The following FAM107B variants were observed in gnomAD, a reference collection of about 807,000 sequenced individuals.
The protein encoded by FAM107B is family with sequence similarity 107 member B, also known as protein FAM107B.
Under a neutral mutation model 31.5 loss-of-function variants are expected in FAM107B, and 21 were observed. The ratio of observed to expected loss-of-function variants is 0.67; its 90% CI spans 0.47 to 0.96. The LOEUF is 0.96. FAM107B is among the 40% of genes least tolerant of loss of function. FAM107B has a pLI of 0.00. For synonymous variants in FAM107B, 157 were observed against 141.5 expected, an observed-to-expected ratio of 1.11 and a Z score of -0.78; for missense variants, 452 against 377.1, an observed-to-expected ratio of 1.20 and a Z score of -1.64.
At chr10:14,714,799 A>C (rs1241912755) in intron 1 of FAM107B, among the ~76,000 whole-genome samples, 1 of 152,224 alleles carries the variant, frequency 6.6e-6, no homozygotes, top group Non-Finnish European at 1.5e-5. Flanking sequence ...GCCAGAGAAG[A>C]CAGATTAGAT....
At chr10:14,604,246 G>C in intron 2 of FAM107B, 2 of 979,592 alleles carry the variant, frequency 2.0e-6, no homozygotes. Context: ...CTACCTCGGC[G>C]CGCGCACAAA....
chr10:14,560,462 A>G (rs960826528), intron 2 of FAM107B, among the ~76,000 whole-genome samples: 1 of 152,234 alleles, frequency 6.6e-6, no homozygotes, highest in Non-Finnish European at 1.5e-5. Flanking sequence ...CGATGACACC[A>G]CAGGGTATTC....
chr10:14,640,737 A>G (rs1853607421), intron 2 of FAM107B, among the ~76,000 whole-genome samples: 1 of 152,154 alleles, frequency 6.6e-6, no homozygotes, highest in African/African-American at 2.4e-5. Context: ...TGATAAGGAA[A>G]CTGAGGCTCA....
intron 1 of FAM107B, among the ~76,000 whole-genome samples, chr10:14,734,078 T>C (rs1207610888): frequency 6.6e-6 from 1 of 151,642 alleles, no homozygotes; most frequent in Non-Finnish European, 1.5e-5. Context: ...AGCTTGCACA[T>C]TTGGACTTCC....
At chr10:14,767,041 TATATATATATATATAGAGAGAG>T (rs1386566505) in intron 1 of FAM107B, among the ~76,000 whole-genome samples, 4 of 36,304 alleles carry the variant, frequency 1.1e-4, no homozygotes, top group South Asian at 1.7e-3. Flanking sequence ...TATATATATA[TATATATATATATATAGAGAGAG>T]AGAGAGAGAG....
At chr10:14,563,383 T>C (rs1395277273) in intron 2 of FAM107B, among the ~76,000 whole-genome samples, 5 of 152,346 alleles carry the variant, frequency 3.3e-5, no homozygotes, top group Admixed American at 2.6e-4. Context: ...TTTCAACTAA[T>C]ACAATACACA....
chr10:14,651,431 C>A (rs1853895887), intron 2 of FAM107B, among the ~76,000 whole-genome samples: 2 of 152,068 alleles, frequency 1.3e-5, no homozygotes, highest in Non-Finnish European at 2.9e-5. Flanking sequence ...CATGGAGAGA[C>A]CCCGTCACTA....
At chr10:14,552,184 T>A (rs998835155) in intron 2 of FAM107B, among the ~76,000 whole-genome samples, 4 of 152,234 alleles carry the variant, frequency 2.6e-5, no homozygotes, top group African/African-American at 9.6e-5. Flanking sequence ...CACCTAGAAA[T>A]GATGCTTGGG....
intron 1 of FAM107B, among the ~76,000 whole-genome samples, chr10:14,706,995 C>T (rs971432688): frequency 6.6e-5 from 10 of 151,992 alleles, no homozygotes; most frequent in Admixed American, 4.6e-4. Context: ...TGTGGTGGCA[C>T]GCGCCTGTAG....
At chr10:14,613,059 C>G (rs1588658697) in intron 2 of FAM107B, among the ~76,000 whole-genome samples, 1 of 152,206 alleles carries the variant, frequency 6.6e-6, no homozygotes, top group East Asian at 1.9e-4. Flanking sequence ...GCAACCTCCA[C>G]CTCCCAGGTT....
chr10:14,583,767 G>C (rs1486531285), intron 2 of FAM107B, among the ~76,000 whole-genome samples: 1 of 152,080 alleles, frequency 6.6e-6, no homozygotes, highest in Non-Finnish European at 1.5e-5. Flanking sequence ...AGAAACCACT[G>C]GACAAGGCCA....
At chr10:14,666,789 A>C (rs1854414165) in intron 2 of FAM107B, among the ~76,000 whole-genome samples, 1 of 152,126 alleles carries the variant, frequency 6.6e-6, no homozygotes, top group Admixed American at 6.5e-5. Context: ...ATAGAGGGAA[A>C]GGGTGGAGCT....
At chr10:14,759,729 T>C (rs1412079287) in intron 1 of FAM107B, among the ~76,000 whole-genome samples, 2 of 152,116 alleles carry the variant, frequency 1.3e-5, no homozygotes, top group Admixed American at 6.5e-5. Context: ...TCTTTTTTTT[T>C]AGATGGAGTC....
intron 1 of FAM107B, among the ~76,000 whole-genome samples, chr10:14,694,533 G>A (rs1464460420): frequency 6.6e-5 from 10 of 152,070 alleles, no homozygotes; most frequent in South Asian, 2.1e-4. Context: ...ACAGGCATGC[G>A]CCACTATGCC....
At chr10:14,572,103 C>T in intron 2 of FAM107B, 1 of 985,374 alleles carries the variant, frequency 1.0e-6, no homozygotes, top group Non-Finnish European at 1.2e-6. Context: ...AGTTCAAGTT[C>T]AAAGAGAAAC....
At chr10:14,555,894 A>ACACACACACACAC (rs112020800) in intron 2 of FAM107B, 6 of 148,088 alleles carry the variant, frequency 4.1e-5, no homozygotes, top group African/African-American at 1.5e-4. Flanking sequence ...AGACATCTTT[A>ACACACACACACAC]ACACACACAC....
chr10:14,591,051 A>C (rs1286389365), intron 2 of FAM107B, among the ~76,000 whole-genome samples: 2 of 151,822 alleles, frequency 1.3e-5, no homozygotes, highest in Admixed American at 6.6e-5. Context: ...AAAACACAAA[A>C]CTATTTCAGA....
At chr10:14,698,407 G>C (rs1855317834) in intron 1 of FAM107B, among the ~76,000 whole-genome samples, 1 of 152,210 alleles carries the variant, frequency 6.6e-6, no homozygotes, top group African/African-American at 2.4e-5. Context: ...AGGATTCTCT[G>C]AATATCTGTG....
At chr10:14,679,546 A>T (rs1410031900) in intron 1 of FAM107B, among the ~76,000 whole-genome samples, 2 of 152,236 alleles carry the variant, frequency 1.3e-5, no homozygotes, top group Non-Finnish European at 2.9e-5. Flanking sequence ...CGGGACTATC[A>T]TCTGCCTGAC....
Sources: gnomAD v4.1 joint callset for allele counts (sites outside exome capture counted in the v4.1 genomes callset) on GRCh38, gnomAD v4.1.1 for gene constraint, MANE v1.5 for transcripts, NCBI Gene and HGNC (gene_info 2026-07-23, HGNC 2026-07-21) for gene names.